The following TCEA3 variants were observed in gnomAD, a reference collection of about 807,000 sequenced individuals.
TCEA3 encodes the protein transcription elongation factor A protein 3.
A neutral mutation model predicts 44.0 loss-of-function variants in TCEA3; 36 were observed. That is an observed-to-expected ratio of 0.82 (90% CI 0.63 to 1.08). TCEA3 has a LOEUF of 1.08. TCEA3 is among the 50% of genes least tolerant of loss of function. The probability of loss-of-function intolerance (pLI) is 0.00; values close to 1 mark genes in which losing one functional copy is unlikely to be tolerated. For synonymous variants in TCEA3, 162 were observed against 159.7 expected (o/e 1.01, Z -0.11); for missense variants, 392 against 441.2 (o/e 0.89, Z 1.00).
chr1:23,385,091 C>T (rs1638793812), intron 9 of TCEA3, among the ~76,000 whole-genome samples: 1 of 152,172 alleles, frequency 6.6e-6, no homozygotes, highest in Non-Finnish European at 1.5e-5. Flanking sequence ...TACATTTTCT[C>T]ATCCTCTTAG....
chr1:23,412,474 G>C (rs547206551), intron 4 of TCEA3, among the ~76,000 whole-genome samples: 1 of 151,922 alleles, frequency 6.6e-6, no homozygotes, highest in South Asian at 2.1e-4. Context: ...AGGCTGAGGT[G>C]GGCGGATCAC....
rs33960365 is a variant in TCEA3 at position 23,413,986 on chromosome 1, GTATA to G, written c.380+3259_380+3262del. ...ATGCATAGGAATAGTCTAGCAGGAT[GTATA>G]TATATATATATATATATATAAATTT... On this transcript the variant is annotated intron_variant, in intron 4 of 10. Coordinates refer to ENST00000450454, the MANE Select transcript of TCEA3 (RefSeq NM_003196.3). Among the ~76,000 whole-genome samples the G allele has an allele frequency of 9.1e-3, 1,289 of 141,020 alleles. 26 individuals are homozygous for G. Among genetic ancestry groups the G allele is most frequent in the African/African-American group, 0.031 (1,202 of 38,698 alleles). The allele number at this position is 141,020 out of a possible 152,430, so 92.5% of individuals were successfully genotyped here. A position where few individuals can be genotyped will look rare whatever the true frequency, so the allele number is the denominator to read the frequency against.
intron 4 of TCEA3, among the ~76,000 whole-genome samples, chr1:23,409,042 G>A (rs1639635485): frequency 6.6e-6 from 1 of 152,186 alleles, no homozygotes. Flanking sequence ...CCTCCTGGCT[G>A]TCAGGCAGGC....
intron 7 of TCEA3, 37 bp from the exon 8 acceptor site, chr1:23,394,070 G>T: frequency 6.2e-7 from 1 of 1,612,042 alleles, no homozygotes; most frequent in South Asian, 1.1e-5. Context: ...ATTCATGGAG[G>T]GGCACAGAAG....
chr1:23,393,909 G>A lies in TCEA3; in HGVS notation c.789C>T (p.Ser263=), dbSNP rs533704086. 5.8e-5 allele frequency: 93 copies of A among 1,613,840 alleles called. No individual in the cohort carries two copies. The highest frequency in any genetic ancestry group is 7.6e-5 in the Non-Finnish European group (90 of 1,179,902). ...LRRNVLSGAI[S]AGLIAKMTAE... The stretch of plus-strand genomic sequence containing the variant: ...CCGTCATCTTGGCTATAAGCCCTGC[G>A]GAGATGGCCCCACTGAGCACGTTCC... The change falls in exon 8 of 11, where the codon TCC becomes TCT. Residue 263 remains serine (S), a synonymous_variant. Coordinates refer to ENST00000450454, the MANE Select transcript of TCEA3 (RefSeq NM_003196.3).
intron 4 of TCEA3, among the ~76,000 whole-genome samples, chr1:23,413,365 T>A (rs905496318): frequency 2.6e-5 from 4 of 152,010 alleles, no homozygotes; most frequent in Non-Finnish European, 5.9e-5. Flanking sequence ...TGAGCTCAAG[T>A]AATCCACCTG....
chr1:23,424,650 C>A lies in TCEA3; in HGVS notation c.-17G>T. On this transcript the variant is annotated 5_prime_UTR_variant, in exon 1 of 11. Transcript: ENST00000450454. ...CTGGCCCATGTTGGCCCGCGACGCC[C>A]GGCGGGGCGAGGGGCACAGGGGCAG... 5 of 1,600,448 alleles carry A rather than the reference C, an allele frequency of 3.1e-6. No homozygotes were observed. The highest frequency in any genetic ancestry group is 4.2e-6 in the Non-Finnish European group (5 of 1,176,952).
chr1:23,399,005 C>A (rs1161625335), intron 5 of TCEA3, among the ~76,000 whole-genome samples: 1 of 151,484 alleles, frequency 6.6e-6, no homozygotes, highest in Non-Finnish European at 1.5e-5. Flanking sequence ...TGGACTCAAG[C>A]AATCCATCTG....
intron 10 of TCEA3, chr1:23,383,432 G>A: frequency 1.1e-6 from 1 of 946,486 alleles, no homozygotes; most frequent in South Asian, 4.9e-5. Context: ...AACAATTCTT[G>A]TAGTTGTTTG....
intron 5 of TCEA3, among the ~76,000 whole-genome samples, chr1:23,407,402 C>T (rs142254292): frequency 1.7e-4 from 26 of 152,166 alleles, no homozygotes; most frequent in African/African-American, 4.1e-4. Flanking sequence ...ACATCATTCC[C>T]GCCCTCAGTA....
rs571174167 is a variant in TCEA3 at position 23,397,962 on chromosome 1, A to G, written c.444-7T>C. The G allele has an allele frequency of 6.2e-7, 1 of 1,613,502 alleles. No individual in the cohort carries two copies. Among genetic ancestry groups the G allele is most frequent in the South Asian group, 1.1e-5 (1 of 90,996 alleles). Reference sequence around the variant, plus strand: ...TGATTTGCTGCTGTTTGATCTGAGGATGACAATAAGTAACAGACATTTGAC... The same window carrying G: ...TGATTTGCTGCTGTTTGATCTGAGGGTGACAATAAGTAACAGACATTTGAC... On this transcript the variant is annotated splice_region_variant and splice_polypyrimidine_tract_variant and intron_variant, in intron 5 of 10. Coordinates refer to ENST00000450454, the MANE Select transcript of TCEA3 (RefSeq NM_003196.3).
chr1:23,390,009 A>C (rs891865842), intron 8 of TCEA3, among the ~76,000 whole-genome samples: 20 of 152,180 alleles, frequency 1.3e-4, no homozygotes, highest in Non-Finnish European at 2.9e-4. Flanking sequence ...ACGAGATTGC[A>C]AGAGAGGGAA....
At chr1:23,411,774 C>T (rs1395108428) in intron 4 of TCEA3, among the ~76,000 whole-genome samples, 2 of 152,208 alleles carry the variant, frequency 1.3e-5, no homozygotes, top group African/African-American at 2.4e-5. Context: ...AGACAAATTC[C>T]TTTACTATTA....
intron 10 of TCEA3, chr1:23,383,556 C>T (rs149817547): frequency 1.0e-6 from 1 of 971,604 alleles, no homozygotes; most frequent in East Asian, 1.1e-4. Flanking sequence ...GTAACATGCT[C>T]AGCATGAGTA....
intron 5 of TCEA3, among the ~76,000 whole-genome samples, chr1:23,402,959 G>C (rs1049997931): frequency 1.3e-5 from 2 of 152,144 alleles, no homozygotes; most frequent in Non-Finnish European, 2.9e-5. Context: ...GGTCCTCTTT[G>C]GAAGGACAGT....
At chr1:23,405,830 A>G (rs1558053375) in intron 5 of TCEA3, among the ~76,000 whole-genome samples, 2 of 152,226 alleles carry the variant, frequency 1.3e-5, no homozygotes, top group Admixed American at 6.5e-5. Context: ...TGTTTTGATT[A>G]CAGCATCAAA....
chr1:23,383,755 C>T, intron 10 of TCEA3: 1 of 985,652 alleles, frequency 1.0e-6, no homozygotes, highest in South Asian at 4.7e-5. Context: ...GGAGACTTGG[C>T]AGGAAGGAGC....
rs777332197 is a variant in TCEA3 at position 23,424,635 on chromosome 1, T to C, written c.-2A>G. On this transcript the variant is annotated 5_prime_UTR_variant, in exon 1 of 11. Coordinates refer to ENST00000450454, the MANE Select transcript of TCEA3 (RefSeq NM_003196.3). ...CAGCAGCTCCTCTTCCTGGCCCATG[T>C]TGGCCCGCGACGCCCGGCGGGGCGA... The C allele has an allele frequency of 1.2e-6, 2 of 1,605,990 alleles. No homozygotes were observed. The highest frequency in any genetic ancestry group is 2.3e-5 in the East Asian group (1 of 44,348).
chr1:23,387,055 G>A (rs565002636), intron 9 of TCEA3, among the ~76,000 whole-genome samples: 13 of 152,218 alleles, frequency 8.5e-5, no homozygotes, highest in Non-Finnish European at 1.8e-4. Context: ...GTTTCACTGT[G>A]TTGGCCAGGC....
Sources: allele counts gnomAD v4.1 joint callset (sites outside exome capture counted in the v4.1 genomes callset), GRCh38; gene constraint gnomAD v4.1.1; transcripts MANE v1.5; gene names NCBI Gene and HGNC (gene_info 2026-07-23, HGNC 2026-07-21).